TNFRSF1A: variants seen among roughly 807,000 people sequenced by gnomAD.
TNFRSF1A encodes TNF receptor superfamily member 1A.
A neutral mutation model predicts 41.6 loss-of-function variants in TNFRSF1A; 9 were observed. The observed-to-expected ratio is 0.22, with a 90% CI of 0.13 to 0.38. The LOEUF (loss-of-function observed/expected upper bound fraction) is 0.38, where lower values mean the gene tolerates loss of function less well. Ranked by LOEUF, TNFRSF1A falls within the 10% of genes least tolerant of loss-of-function variation. The pLI, the probability that TNFRSF1A is intolerant of heterozygous loss-of-function variation, is 1.00. For missense variants in TNFRSF1A, 463 were observed against 591.5 expected, an observed-to-expected ratio of 0.78 and a Z score of 2.25; for synonymous variants, 254 against 248.6, an observed-to-expected ratio of 1.02 and a Z score of -0.21.
At position 6,329,807 on chromosome 12, in the gene TNFRSF1A, T is replaced by C; in HGVS notation, c.1028A>G (p.Asp343Gly). The C allele has an allele frequency of 6.2e-7, 1 of 1,602,434 alleles. No individual in the cohort carries two copies. Among genetic ancestry groups the C allele is most frequent in the Non-Finnish European group, 8.5e-7 (1 of 1,176,112 alleles). The change falls in exon 9 of 10, where the codon GAC becomes GGC. Residue 343 changes from aspartate to glycine, a missense_variant. This residue lies in a region of TNFRSF1A where 277 missense variants were observed against 288.8 expected (regional missense o/e 0.96). Transcript: ENST00000162749. The part of the protein sequence containing the change: ...PIPNPLQKWE[D>G]SAHKPQSLDT... The stretch of plus-strand genomic sequence containing the variant: ...TAGGCTCTGTGGCTTGTGGGCGCTG[T>C]CCTCCCACTTCTGAAGGGGGTTGGG...
intron 7 of TNFRSF1A, 52 bp downstream of exon 7, chr12:6,330,546 T>C: frequency 7.3e-7 from 1 of 1,379,160 alleles, no homozygotes; most frequent in Non-Finnish European, 1.0e-6. Flanking sequence ...CACCCACCCA[T>C]GTCCTCCCTC....
At chr12:6,336,164 C>T (rs1170668158) in intron 1 of TNFRSF1A, among the ~76,000 whole-genome samples, 2 of 152,150 alleles carry the variant, frequency 1.3e-5, no homozygotes, top group African/African-American at 4.8e-5. Flanking sequence ...CTGGGGGACG[C>T]CAGCCCCAGA....
At position 6,341,861 on chromosome 12, in the gene TNFRSF1A, T is replaced by C; in HGVS notation, c.-47A>G. The C allele has an allele frequency of 6.2e-7, 1 of 1,611,920 alleles. No individual in the cohort carries two copies. Among genetic ancestry groups the C allele is most frequent in the Non-Finnish European group, 8.5e-7 (1 of 1,178,328 alleles). On this transcript the variant is annotated 5_prime_UTR_variant, in exon 1 of 10. Transcript: ENST00000162749. The surrounding 1 kb of genome is among the most constrained non-coding windows in gnomAD (Gnocchi z 4.6). ...ACTCCCCCATTTGGGCTCAGGGCAG[T>C]GTGGCAGCGGCAGTGCTGGGGCTTC...
rs763628505 is a variant in TNFRSF1A, at chr12:6,329,321, A to C, written c.1359T>G (p.Leu453=). 10 of 1,473,630 alleles carry C rather than the reference A, an allele frequency of 6.8e-6. No homozygotes were observed. The East Asian group carries it at 1.7e-4, about 26-fold the overall frequency. The allele number at this position is 1,473,630 out of a possible 1,614,324, so 91.3% of individuals were successfully genotyped here. The change falls in exon 10 of 10, where the codon CTT becomes CTG. Residue 453 remains leucine, a synonymous_variant. Coordinates refer to ENST00000162749, the MANE Select transcript of TNFRSF1A (RefSeq NM_001065.4). ...CCGCAGGGGCGCAGCCTCATCTGAG[A>C]AGACTGGGCGCGGGCGGGAGGGCGG... ...GPAALPPAPS[L]LR
intron 1 of TNFRSF1A, among the ~76,000 whole-genome samples, chr12:6,338,117 G>T (rs991271071): frequency 2.0e-5 from 3 of 152,144 alleles, no homozygotes; most frequent in African/African-American, 7.2e-5. Flanking sequence ...AAGGCAGAAA[G>T]AAGTTGCAGC....
At chr12:6,332,178 TGCCCGTAATCCTA>T (rs370551255) in intron 5 of TNFRSF1A, among the ~76,000 whole-genome samples, 2 of 151,972 alleles carry the variant, frequency 1.3e-5, no homozygotes, top group African/African-American at 4.8e-5. Flanking sequence ...TGGTGGCTCA[TGCCCGTAATCCTA>T]GCACTTTGGG....
chr12:6,330,139 G>A (rs1272722709), intron 8 of TNFRSF1A, 73 bp from the exon 9 acceptor site: 1 of 1,611,278 alleles, frequency 6.2e-7, no homozygotes, highest in Non-Finnish European at 8.5e-7. Context: ...TTCTACGTGG[G>A]GGTTGGGACT....
chr12:6,329,274 G>A lies in TNFRSF1A; in HGVS notation c.*38C>T, dbSNP rs200297634. Reference sequence around the variant, plus strand: ...AAAAGTGGGGTTGGAAGGCGATCTCGCAGGACGGTCCTTAGAGCTGCCCGC... The same window carrying A: ...AAAAGTGGGGTTGGAAGGCGATCTCACAGGACGGTCCTTAGAGCTGCCCGC... On this transcript the variant is annotated 3_prime_UTR_variant, in exon 10 of 10. Coordinates refer to ENST00000162749, the MANE Select transcript of TNFRSF1A (RefSeq NM_001065.4). 3.8e-5 allele frequency: 54 copies of A among 1,432,766 alleles called. No homozygotes were observed. The highest frequency in any genetic ancestry group is 5.4e-5 in the Admixed American group (2 of 37,342). 88.8% of individuals were successfully genotyped at this position (1,432,766 alleles called of 1,614,324 possible). A position where few individuals can be genotyped will look rare whatever the true frequency, so the allele number is the denominator to read the frequency against.
intron 8 of TNFRSF1A, 26 bp downstream of exon 8, chr12:6,330,241 G>A: frequency 6.2e-7 from 1 of 1,614,114 alleles, no homozygotes; most frequent in Non-Finnish European, 8.5e-7. Flanking sequence ...GGGACATTTG[G>A]GAGTAACTCT....
chr12:6,330,571 C>T, intron 7 of TNFRSF1A, 27 bp downstream of exon 7: 2 of 1,553,850 alleles, frequency 1.3e-6, no homozygotes, highest in Non-Finnish European at 8.9e-7. Context: ...CCACCAGCTC[C>T]CTCTCCCTCC....
rs1169429774 is a variant in TNFRSF1A, at chr12:6,333,868, G to A, written c.194-3C>T. The A allele has an allele frequency of 6.2e-6, 10 of 1,602,592 alleles. No homozygotes were observed. Among genetic ancestry groups the A allele is most frequent in the Non-Finnish European group, 8.5e-6 (10 of 1,174,034 alleles). ...ACAGTCATTGTACAAGTAGGTTCCT[G>A]TGAATGGGGCCGCAGAGTTAGGCTG... On this transcript the variant is annotated splice_polypyrimidine_tract_variant and splice_region_variant and intron_variant, in intron 2 of 9. Transcript: ENST00000162749. The surrounding 1 kb of genome is among the most constrained non-coding windows in gnomAD (Gnocchi z 6.3).
chr12:6,341,341 C>T lies in TNFRSF1A; in HGVS notation c.39+435G>A, dbSNP rs918842315. ...TTCCACAGGCAGCCTCGCCTCCCCACGGCCCAACACCCTCCAGGCCAGCCA... is the reference window on the plus strand; with the variant it reads ...TTCCACAGGCAGCCTCGCCTCCCCATGGCCCAACACCCTCCAGGCCAGCCA... On this transcript the variant is annotated intron_variant, in intron 1 of 9. Transcript: ENST00000162749. The surrounding 1 kb of genome is among the most constrained non-coding windows in gnomAD (Gnocchi z 4.6). Among the ~76,000 whole-genome samples the T allele has an allele frequency of 2.0e-5, 3 of 152,174 alleles. No homozygotes were observed. Among genetic ancestry groups the T allele is most frequent in the African/African-American group, 4.8e-5 (2 of 41,434 alleles).
intron 1 of TNFRSF1A, among the ~76,000 whole-genome samples, chr12:6,336,549 A>G (rs1313385153): frequency 1.3e-5 from 2 of 151,948 alleles, no homozygotes; most frequent in Non-Finnish European, 2.9e-5. Flanking sequence ...CCATGCAAAG[A>G]GCCAGGCCAC....
chr12:6,341,856 G>C lies in TNFRSF1A; in HGVS notation c.-42C>G. On this transcript the variant is annotated 5_prime_UTR_variant, in exon 1 of 10. Coordinates refer to ENST00000162749, the MANE Select transcript of TNFRSF1A (RefSeq NM_001065.4). The surrounding 1 kb of genome is among the most constrained non-coding windows in gnomAD (Gnocchi z 4.6). ...CTCTCACTCCCCCATTTGGGCTCAGGGCAGTGTGGCAGCGGCAGTGCTGGG... is the reference window on the plus strand; with the variant it reads ...CTCTCACTCCCCCATTTGGGCTCAGCGCAGTGTGGCAGCGGCAGTGCTGGG... The C allele has an allele frequency of 6.2e-7, 1 of 1,612,624 alleles. No individual in the cohort carries two copies. The highest frequency in any genetic ancestry group is 8.5e-7 in the Non-Finnish European group (1 of 1,178,868).
rs574075392 is a variant in TNFRSF1A, at chr12:6,333,613, C to T, written c.323-97G>A. 4.4e-6 allele frequency: 7 copies of T among 1,592,694 alleles called. No individual in the cohort carries two copies. The highest frequency in any genetic ancestry group is 1.1e-5 in the South Asian group (1 of 88,688). On this transcript the variant is annotated intron_variant, in intron 3 of 9. Transcript: ENST00000162749. This position sits in a 1 kb window ranked among gnomAD's most constrained non-coding sequence, Gnocchi z 6.3. ...TAAGTGTGTGTCTCTGTAATACACACTCACATCCATGCAGTGTCCCACCAA... is the reference window on the plus strand; with the variant it reads ...TAAGTGTGTGTCTCTGTAATACACATTCACATCCATGCAGTGTCCCACCAA...
chr12:6,335,958 A>G (rs1948115187), intron 1 of TNFRSF1A, among the ~76,000 whole-genome samples: 1 of 152,200 alleles, frequency 6.6e-6, no homozygotes, highest in African/African-American at 2.4e-5. Context: ...TGCCCGCACC[A>G]GCCAACACCG....
At chr12:6,336,942 GGAAACAA>G (rs1479800784) in intron 1 of TNFRSF1A, among the ~76,000 whole-genome samples, 1 of 152,184 alleles carries the variant, frequency 6.6e-6, no homozygotes, top group Non-Finnish European at 1.5e-5. Flanking sequence ...ACAATCCTTA[GGAAACAA>G]GGCCAGTTCT....
Position 6,337,253 on chromosome 12 carries a change from G to A in TNFRSF1A, c.40-3009C>T, listed in dbSNP as rs1456358981. 6.6e-6 allele frequency among the ~76,000 whole-genome samples: 1 copy of A among 152,224 alleles called. No individual in the cohort carries two copies. The highest frequency in any genetic ancestry group is 1.5e-5 in the Non-Finnish European group (1 of 68,040). On this transcript the variant is annotated intron_variant, in intron 1 of 9. Coordinates refer to ENST00000162749, the MANE Select transcript of TNFRSF1A (RefSeq NM_001065.4). This position sits in a 1 kb window ranked among gnomAD's most constrained non-coding sequence, Gnocchi z 4.6. ...ATGAAGCAAAACAGGAGAAACAGGA[G>A]GTGAGCTCTTTAGGCCCAGACTCCA...
At position 6,333,170 on chromosome 12, in the gene TNFRSF1A, G is replaced by A. The variant is rs1948071962; in HGVS notation, c.473-23C>T. 6.2e-7 allele frequency: 1 copy of A among 1,612,520 alleles called. No homozygotes were observed. Among genetic ancestry groups the A allele is most frequent in the Non-Finnish European group, 8.5e-7 (1 of 1,178,670 alleles). The stretch of plus-strand genomic sequence containing the variant: ...GGCCTGTAGGGAGAAGTGCGGCACA[G>A]CTAAAGGAGAAGCGCCTGCACCCCC... On this transcript the variant is annotated intron_variant, in intron 4 of 9. Transcript: ENST00000162749. The surrounding 1 kb of genome is among the most constrained non-coding windows in gnomAD (Gnocchi z 6.3).
Sources: gnomAD v4.1 joint callset for allele counts (sites outside exome capture counted in the v4.1 genomes callset) on GRCh38, gnomAD v4.1.1 for gene constraint, gnomAD v4.1.1 regional missense constraint, Gnocchi (gnomAD v3.1) non-coding constraint, MANE v1.5 for transcripts, NCBI Gene and HGNC (gene_info 2026-07-23, HGNC 2026-07-21) for gene names.